The following MAP1B variants were observed in gnomAD, a reference collection of about 807,000 sequenced individuals.
The protein encoded by MAP1B is microtubule-associated protein 1B.
A neutral mutation model predicts 176.1 loss-of-function variants in MAP1B; 12 were observed. That is an observed-to-expected ratio of 0.07 (90% CI 0.04 to 0.11). The LOEUF is 0.11. Among genes scored for constraint, MAP1B ranks in the 10% least tolerant of loss-of-function variants. The pLI, the probability that MAP1B is intolerant of heterozygous loss-of-function variation, is 1.00. For missense variants in MAP1B, 2,523 were observed against 2,990.5 expected, an observed-to-expected ratio of 0.84 and a Z score of 3.65; for synonymous variants, 1,044 against 1,135.0, an observed-to-expected ratio of 0.92 and a Z score of 1.61.
At chr5:72,141,268 G>C (rs776386449) in intron 2 of MAP1B, among the ~76,000 whole-genome samples, 22 of 152,174 alleles carry the variant, frequency 1.4e-4, no homozygotes, top group Admixed American at 6.5e-5. Flanking sequence ...CTGGTGCCGT[G>C]ACACACATCT....
At position 72,107,489 on chromosome 5, in the gene MAP1B, C is replaced by A. The variant is rs1367973314; in HGVS notation, c.-43C>A. 1.3e-6 allele frequency: 2 copies of A among 1,496,840 alleles called. No individual in the cohort carries two copies. Among genetic ancestry groups the A allele is most frequent in the Non-Finnish European group, 1.8e-6 (2 of 1,118,858 alleles). The allele number at this position is 1,496,840 out of a possible 1,614,324, so 92.7% of individuals were successfully genotyped here. ...TTTCTCCTGCCGCAGTGGAGAGGAG[C>A]GGCCGGAGCGAGACACTTCGCCGAG... is the stretch of plus-strand genomic sequence containing the variant. On this transcript the variant is annotated 5_prime_UTR_variant, in exon 1 of 7. Transcript: ENST00000296755.
intron 2 of MAP1B, among the ~76,000 whole-genome samples, chr5:72,182,023 CT>C (rs34251206): frequency 0.01 from 977 of 94,700 alleles, 5 homozygotes; most frequent in African/African-American, 0.02. Context: ...CGCACCTGGC[CT>C]TTTTTTTTTT....
chr5:72,156,742 G>C (rs1746236108), intron 2 of MAP1B, among the ~76,000 whole-genome samples: 2 of 152,176 alleles, frequency 1.3e-5, no homozygotes, highest in African/African-American at 4.8e-5. Context: ...TCTGGTTCCA[G>C]CTTCTGTTGC....
At position 72,186,308 on chromosome 5, in the gene MAP1B, A is replaced by C. The variant is rs565584990; in HGVS notation, c.370-306A>C. Among the ~76,000 whole-genome samples, 1 of 152,294 alleles carries C rather than the reference A, an allele frequency of 6.6e-6. No individual in the cohort carries two copies. The highest frequency in any genetic ancestry group is 2.1e-4 in the South Asian group (1 of 4,824). On this transcript the variant is annotated intron_variant, in intron 3 of 6. Transcript: ENST00000296755. This position sits in a 1 kb window ranked among gnomAD's most constrained non-coding sequence, Gnocchi z 4.3. ...ATTACCAGCTGTGAAGACTGCTTTGAAAAAGAGGAGGAAACTAGGGGGAGA... is the reference window on the plus strand; with the variant it reads ...ATTACCAGCTGTGAAGACTGCTTTGCAAAAGAGGAGGAAACTAGGGGGAGA...
chr5:72,169,246 A>G (rs1158762646), intron 2 of MAP1B, among the ~76,000 whole-genome samples: 1 of 152,200 alleles, frequency 6.6e-6, no homozygotes, highest in African/African-American at 2.4e-5. Flanking sequence ...ACACACAAAC[A>G]ACTCCTGACA....
Position 72,203,788 on chromosome 5 carries a change from G to C in MAP1B, c.7238G>C (p.Gly2413Ala). The C allele has an allele frequency of 6.2e-7, 1 of 1,612,398 alleles. No individual in the cohort carries two copies. The highest frequency in any genetic ancestry group is 8.5e-7 in the Non-Finnish European group (1 of 1,179,990). ...TTGTTGGAAGGAAAGGCTCAGTGGG[G>C]CAGCAACATGCAGGTGAGAACTCCT... ...DALLEGKAQW[G>A]SNMQVTLIPT... The change falls in exon 6 of 7, where the codon GGC (glycine) becomes GCC (alanine). Residue 2413 changes from glycine (G) to alanine (A), a missense_variant. Gly to Ala is a moderately conservative substitution (Grantham distance 60). Around this residue, in one of 4 missense-constraint regions of MAP1B, gnomAD observed 287 missense variants for 401.5 expected, o/e 0.71. Transcript: ENST00000296755.
intron 2 of MAP1B, among the ~76,000 whole-genome samples, chr5:72,120,916 G>T (rs1325709368): frequency 1.3e-5 from 2 of 152,166 alleles, no homozygotes; most frequent in Admixed American, 6.5e-5. Context: ...TTTCCTTTTT[G>T]TAGTAATTTT....
intron 2 of MAP1B, among the ~76,000 whole-genome samples, chr5:72,139,499 G>C (rs948914736): frequency 6.6e-6 from 1 of 152,228 alleles, no homozygotes; most frequent in African/African-American, 2.4e-5. Flanking sequence ...AAGGTAAGAT[G>C]TAAGTCTCCG....
intron 4 of MAP1B, among the ~76,000 whole-genome samples, chr5:72,189,721 AT>A (rs1279484308): frequency 1.3e-5 from 2 of 152,028 alleles, no homozygotes; most frequent in East Asian, 3.8e-4. Flanking sequence ...TACTTAAAAC[AT>A]TAAAAAAATA....
At chr5:72,109,958 T>C (rs1399662511) in intron 1 of MAP1B, among the ~76,000 whole-genome samples, 1 of 152,250 alleles carries the variant, frequency 6.6e-6, no homozygotes, top group Non-Finnish European at 1.5e-5. Context: ...CATCTATTTA[T>C]GGAGAAAACA....
intron 2 of MAP1B, among the ~76,000 whole-genome samples, chr5:72,158,160 C>A (rs1746262566): frequency 6.6e-6 from 1 of 151,908 alleles, no homozygotes; most frequent in African/African-American, 2.4e-5. Context: ...AGGTGCCTGC[C>A]ACCTCGCCCG....
chr5:72,196,540 A>G lies in MAP1B; in HGVS notation c.3185A>G (p.Tyr1062Cys), dbSNP rs1005325394. The G allele has an allele frequency of 6.2e-7, 1 of 1,613,802 alleles. No homozygotes were observed. Among genetic ancestry groups the G allele is most frequent in the South Asian group, 1.1e-5 (1 of 91,082 alleles). Reference sequence around the variant, plus strand: ...GAGGCTGGTGGTGCCGAGGAGCAGTATGGATTCCTCACCACACCAACCAAG... The same window carrying G: ...GAGGCTGGTGGTGCCGAGGAGCAGTGTGGATTCCTCACCACACCAACCAAG... ...AAEAGGAEEQYGFLTTPTKQL... is the reference protein window; with the variant it reads ...AAEAGGAEEQCGFLTTPTKQL... The change falls in exon 5 of 7, where the codon TAT becomes TGT. Residue 1062 changes from tyrosine to cysteine, a missense_variant. By Grantham distance (194) the Tyr-to-Cys change is radical. This residue lies in a region of MAP1B where 1,925 missense variants were observed against 2,126.0 expected (regional missense o/e 0.91). Coordinates refer to ENST00000296755, the MANE Select transcript of MAP1B (RefSeq NM_005909.5). This position sits in a 1 kb window ranked among gnomAD's most constrained non-coding sequence, Gnocchi z 5.3.
At chr5:72,127,055 C>T (rs1745643945) in intron 2 of MAP1B, among the ~76,000 whole-genome samples, 1 of 152,214 alleles carries the variant, frequency 6.6e-6, no homozygotes, top group African/African-American at 2.4e-5. Context: ...TTCAGGTTAG[C>T]TGCTTATTCA....
At chr5:72,135,145 A>C (rs1745814326) in intron 2 of MAP1B, among the ~76,000 whole-genome samples, 1 of 151,786 alleles carries the variant, frequency 6.6e-6, no homozygotes, top group African/African-American at 2.4e-5. Flanking sequence ...AATAACCCTG[A>C]GTCAGAAAAT....
intron 2 of MAP1B, among the ~76,000 whole-genome samples, chr5:72,128,136 C>G (rs1246437383): frequency 2.0e-5 from 3 of 152,142 alleles, no homozygotes; most frequent in African/African-American, 4.8e-5. Context: ...AAACTCAGAA[C>G]AGTAGAATTG....
chr5:72,150,189 G>A (rs573453338), intron 2 of MAP1B, among the ~76,000 whole-genome samples: 17 of 152,330 alleles, frequency 1.1e-4, no homozygotes, highest in African/African-American at 4.1e-4. Flanking sequence ...CAGCACCATA[G>A]TTTCCTAGGT....
intron 4 of MAP1B, among the ~76,000 whole-genome samples, chr5:72,191,041 A>T (rs369959676): frequency 2.6e-5 from 4 of 152,242 alleles, no homozygotes; most frequent in African/African-American, 4.8e-5. Context: ...TCCTTGTTGC[A>T]TCTGTCATCC....
intron 2 of MAP1B, among the ~76,000 whole-genome samples, chr5:72,121,014 A>G (rs1357297485): frequency 6.6e-6 from 1 of 152,250 alleles, no homozygotes; most frequent in Non-Finnish European, 1.5e-5. Flanking sequence ...GTAAAGGGTG[A>G]CAACATTCTA....
rs1426698460 is a variant in MAP1B, at chr5:72,206,373, C to T, written c.*1134C>T. The T allele has an allele frequency of 1.3e-5, 2 of 152,668 alleles. No individual in the cohort carries two copies. Among genetic ancestry groups the T allele is most frequent in the Non-Finnish European group, 2.9e-5 (2 of 68,042 alleles). 9.5% of individuals were successfully genotyped at this position (152,668 alleles called of 1,614,324 possible). A position where few individuals can be genotyped will look rare whatever the true frequency, so the allele number is the denominator to read the frequency against. On this transcript the variant is annotated 3_prime_UTR_variant, in exon 7 of 7. Transcript: ENST00000296755. The stretch of plus-strand genomic sequence containing the variant: ...GAGTCATGCGTGTTGAATCCCACTT[C>T]AGTGCACCTGTGGCCTCTCAGTCAA...
Sources: allele counts gnomAD v4.1 joint callset (sites outside exome capture counted in the v4.1 genomes callset), GRCh38; gene constraint gnomAD v4.1.1; regional missense constraint gnomAD v4.1.1; non-coding constraint Gnocchi (gnomAD v3.1); transcripts MANE v1.5; gene names NCBI Gene and HGNC (gene_info 2026-07-23, HGNC 2026-07-21).